PREX2: variants seen among roughly 807,000 people sequenced by gnomAD.
PREX2 encodes the protein phosphatidylinositol-3,4,5-trisphosphate dependent Rac exchange factor 2.
Under a neutral mutation model 203.2 loss-of-function variants are expected in PREX2, and 107 were observed. The ratio of observed to expected loss-of-function variants is 0.53; its 90% CI spans 0.45 to 0.62. PREX2 has a LOEUF of 0.62. Among genes scored for constraint, PREX2 ranks in the 20% least tolerant of loss-of-function variants. The probability of loss-of-function intolerance (pLI) is 0.00; values close to 1 mark genes in which losing one functional copy is unlikely to be tolerated. For missense variants in PREX2, 1,777 were observed against 1,955.9 expected, an observed-to-expected ratio of 0.91 and a Z score of 1.72; for synonymous variants, 672 against 663.6, an observed-to-expected ratio of 1.01 and a Z score of -0.19.
At chr8:68,018,103 A>C (rs533123799) in intron 2 of PREX2, among the ~76,000 whole-genome samples, 186 bp downstream of exon 2, 26 of 152,296 alleles carry the variant, frequency 1.7e-4, no homozygotes, top group Middle Eastern at 3.4e-3. Context: ...ATGGAAGATT[A>C]AGAGAATGGC....
chr8:68,107,639 G>A (rs1376621220), intron 23 of PREX2, among the ~76,000 whole-genome samples: 5 of 152,190 alleles, frequency 3.3e-5, no homozygotes, highest in Non-Finnish European at 5.9e-5. Flanking sequence ...ACACAGACTA[G>A]TGCTTTGGAT....
At chr8:68,030,404 G>C in intron 5 of PREX2, 93 bp from the exon 6 acceptor site, 2 of 1,207,208 alleles carry the variant, frequency 1.7e-6, no homozygotes, top group Non-Finnish European at 2.3e-6. Context: ...TGGCTCTCAT[G>C]ATCTTTGCAG....
intron 21 of PREX2, among the ~76,000 whole-genome samples, chr8:68,095,773 C>G (rs1317250929): frequency 6.6e-6 from 1 of 151,914 alleles, no homozygotes; most frequent in African/African-American, 2.4e-5. Context: ...CTTCCAGTAG[C>G]TGGGACTACA....
chr8:68,088,637 T>C (rs6472382), intron 19 of PREX2, among the ~76,000 whole-genome samples: 70,642 of 151,876 alleles, frequency 0.47, 16,904 homozygotes, highest in African/African-American at 0.57. Context: ...ACTTTCATTA[T>C]TGTATGTATG....
intron 15 of PREX2, among the ~76,000 whole-genome samples, chr8:68,079,971 A>C (rs1434720239): frequency 7.3e-6 from 1 of 136,610 alleles, no homozygotes; most frequent in South Asian, 2.5e-4. Flanking sequence ...AGTGAACACA[A>C]TGAGAGTTGT....
At chr8:67,955,379 C>T (rs1805473218) in intron 1 of PREX2, among the ~76,000 whole-genome samples, 1 of 152,160 alleles carries the variant, frequency 6.6e-6, no homozygotes, top group Admixed American at 6.5e-5. Context: ...CAGGCACACA[C>T]CGCTGTTTGA....
chr8:68,124,279 A>G (rs938564101), intron 30 of PREX2, among the ~76,000 whole-genome samples: 21 of 152,264 alleles, frequency 1.4e-4, no homozygotes, highest in African/African-American at 4.6e-4. Flanking sequence ...AAAATGTGGT[A>G]CCTGTATTCC....
chr8:68,027,592 T>G (rs1240732141), intron 5 of PREX2, among the ~76,000 whole-genome samples: 1 of 152,112 alleles, frequency 6.6e-6, no homozygotes, highest in South Asian at 2.1e-4. Context: ...AGCTTCAAGA[T>G]AGATCCCATT....
At chr8:68,113,277 T>C (rs528810283) in intron 25 of PREX2, among the ~76,000 whole-genome samples, 7 of 152,336 alleles carry the variant, frequency 4.6e-5, no homozygotes, top group African/African-American at 1.4e-4. Flanking sequence ...CTGAATACAA[T>C]TCATATAACT....
intron 1 of PREX2, among the ~76,000 whole-genome samples, chr8:68,006,706 T>G (rs1187685986): frequency 6.6e-6 from 1 of 152,206 alleles, no homozygotes; most frequent in Non-Finnish European, 1.5e-5. Flanking sequence ...TGCAAATAAT[T>G]GCCCTAAACC....
chr8:68,083,091 T>C, intron 17 of PREX2, 149 bp from the exon 18 acceptor site: 2 of 570,202 alleles, frequency 3.5e-6, no homozygotes, highest in East Asian at 2.8e-5. Flanking sequence ...TCTACAGTTC[T>C]GCTTTGTGAA....
Position 68,119,418 on chromosome 8 carries a change from G to A in PREX2, c.3422-14G>A. On this transcript the variant is annotated splice_polypyrimidine_tract_variant and intron_variant, in intron 27 of 39. Coordinates refer to ENST00000288368, the MANE Select transcript of PREX2 (RefSeq NM_024870.4). Reference sequence around the variant, plus strand: ...GATTTTGGTTTTTGGTTTTGTTTTTGTTTTGACATCTAGGTGATGAACTTC... The same window carrying A: ...GATTTTGGTTTTTGGTTTTGTTTTTATTTTGACATCTAGGTGATGAACTTC... 1 of 1,602,312 alleles carries A rather than the reference G, an allele frequency of 6.2e-7. No individual in the cohort carries two copies. The highest frequency in any genetic ancestry group is 1.3e-5 in the African/African-American group (1 of 74,722).
intron 35 of PREX2, among the ~76,000 whole-genome samples, chr8:68,172,930 C>T (rs920729825): frequency 6.6e-5 from 10 of 152,164 alleles, no homozygotes; most frequent in African/African-American, 1.7e-4. Context: ...TGATTATTTA[C>T]GACTGATTTC....
intron 7 of PREX2, among the ~76,000 whole-genome samples, chr8:68,039,490 C>A (rs569517370): frequency 6.6e-6 from 1 of 152,206 alleles, no homozygotes; most frequent in South Asian, 2.1e-4. Flanking sequence ...AGACTCTTCC[C>A]AGCTGATTTT....
Position 67,959,461 on chromosome 8 carries a change from A to G in PREX2, c.141+6926A>G, listed in dbSNP as rs138502011. Reference sequence around the variant, plus strand: ...GAGAAGGGGATGATTTTGTCTAGGGATGGGTAAGGCAGATGAGCCTAGCCA... The same window carrying G: ...GAGAAGGGGATGATTTTGTCTAGGGGTGGGTAAGGCAGATGAGCCTAGCCA... On this transcript the variant is annotated intron_variant, in intron 1 of 39. Coordinates refer to ENST00000288368, the MANE Select transcript of PREX2 (RefSeq NM_024870.4). Among the ~76,000 whole-genome samples the G allele has an allele frequency of 7.9e-3, 1,195 of 152,216 alleles. 16 individuals are homozygous for G. The highest frequency in any genetic ancestry group is 0.026 in the African/African-American group (1,079 of 41,508).
intron 19 of PREX2, among the ~76,000 whole-genome samples, chr8:68,089,520 A>T (rs1279097641): frequency 6.6e-6 from 1 of 152,130 alleles, no homozygotes; most frequent in Non-Finnish European, 1.5e-5. Context: ...TTCTAAGCTC[A>T]CACAAACAGA....
chr8:68,173,001 CTCT>C (rs376723867), intron 35 of PREX2, among the ~76,000 whole-genome samples: 69 of 152,244 alleles, frequency 4.5e-4, no homozygotes, highest in African/African-American at 1.5e-3. Context: ...ATCAATCACT[CTCT>C]TCTTTAAAAC....
Position 68,208,897 on chromosome 8 carries a change from T to C in PREX2, c.4605-8719T>C, listed in dbSNP as rs117567263. On this transcript the variant is annotated intron_variant, in intron 37 of 39. Coordinates refer to ENST00000288368, the MANE Select transcript of PREX2 (RefSeq NM_024870.4). Reference sequence around the variant, plus strand: ...TGAGCCCAGGAGTTTGAGATCAGCCTGGACAACATAGCGAGACCCTATCTC... The same window carrying C: ...TGAGCCCAGGAGTTTGAGATCAGCCCGGACAACATAGCGAGACCCTATCTC... Among the ~76,000 whole-genome samples the C allele has an allele frequency of 5.1e-3, 780 of 151,988 alleles. 5 individuals carry two copies. Among genetic ancestry groups the C allele is most frequent in the Middle Eastern group, 0.031 (9 of 294 alleles).
chr8:68,185,612 A>C (rs1812173674), intron 35 of PREX2, among the ~76,000 whole-genome samples: 1 of 152,188 alleles, frequency 6.6e-6, no homozygotes, highest in East Asian at 1.9e-4. Context: ...GTATGCAATA[A>C]ATGCCAAGAT....
Sources: allele counts gnomAD v4.1 joint callset (sites outside exome capture counted in the v4.1 genomes callset), GRCh38; gene constraint gnomAD v4.1.1; transcripts MANE v1.5; gene names NCBI Gene and HGNC (gene_info 2026-07-23, HGNC 2026-07-21).